PRIM2: variants seen among roughly 807,000 people sequenced by gnomAD.
PRIM2 encodes DNA primase large subunit.
A neutral mutation model predicts 67.3 loss-of-function variants in PRIM2; 39 were observed. The observed-to-expected ratio is 0.58, with a 90% CI of 0.45 to 0.76. PRIM2 has a LOEUF of 0.76. Ranked by LOEUF, PRIM2 falls within the 30% of genes least tolerant of loss-of-function variation. The pLI is 0.00. For synonymous variants in PRIM2, 143 were observed against 198.7 expected, an observed-to-expected ratio of 0.72 and a Z score of 2.36; for missense variants, 398 against 598.7, an observed-to-expected ratio of 0.66 and a Z score of 3.50.
chr6:57,370,809 C>A (rs2215513), intron 5 of PRIM2, among the ~76,000 whole-genome samples: 280 of 150,968 alleles, frequency 1.9e-3, no homozygotes, highest in African/African-American at 6.6e-3. Flanking sequence ...AGCTATTTTC[C>A]TGCCTCAGCC....
chr6:57,256,908 C>T, the PRIM2 span, among the ~76,000 whole-genome samples: 6 of 152,348 alleles, frequency 3.9e-5, no homozygotes, highest in East Asian at 1.2e-3. Flanking sequence ...CTCAATTAAC[C>T]TATTTTGTTC....
chr6:57,486,448 T>C (rs1435846292), intron 7 of PRIM2, among the ~76,000 whole-genome samples: 3 of 152,204 alleles, frequency 2.0e-5, no homozygotes, highest in African/African-American at 7.2e-5. Context: ...TTCCCTGCCA[T>C]GACAAAGTAA....
At position 57,411,311 on chromosome 6, in the gene PRIM2, C is replaced by T. The variant is rs1466044541; in HGVS notation, c.693+29143C>T. 5.9e-5 allele frequency among the ~76,000 whole-genome samples: 9 copies of T among 152,284 alleles called. No homozygotes were observed. The East Asian group carries it at 1.4e-3, about 23-fold the overall frequency. On this transcript the variant is annotated intron_variant, in intron 7 of 13. Transcript: ENST00000615550. ...TTTCTTATAAATTACCCAGTCTTGC[C>T]TAGGCCTAGTAGCTTACGCCTATAA...
chr6:57,625,401 A>G (rs1215168021), intron 12 of PRIM2, among the ~76,000 whole-genome samples: 1 of 152,198 alleles, frequency 6.6e-6, no homozygotes, highest in African/African-American at 2.4e-5. Flanking sequence ...ACAAGTTATT[A>G]GACAAGAAAA....
At chr6:57,486,783 C>A (rs1773762592) in intron 7 of PRIM2, among the ~76,000 whole-genome samples, 1 of 152,200 alleles carries the variant, frequency 6.6e-6, no homozygotes, top group African/African-American at 2.4e-5. Flanking sequence ...TATTGTGTAA[C>A]AACTTGGCTT....
chr6:57,557,448 C>A (rs1288563245), intron 10 of PRIM2, among the ~76,000 whole-genome samples: 1 of 152,132 alleles, frequency 6.6e-6, no homozygotes, highest in African/African-American at 2.4e-5. Flanking sequence ...TAAAAAAGAA[C>A]AAGATCTTGT....
chr6:57,325,445 C>T (rs893395520), intron 4 of PRIM2, among the ~76,000 whole-genome samples: 4 of 151,866 alleles, frequency 2.6e-5, no homozygotes, highest in African/African-American at 9.7e-5. Flanking sequence ...GGACTATAGG[C>T]ACATGCTACC....
chr6:57,430,279 A>C (rs1335260965), intron 7 of PRIM2, among the ~76,000 whole-genome samples: 1 of 152,128 alleles, frequency 6.6e-6, no homozygotes, highest in Non-Finnish European at 1.5e-5. Flanking sequence ...TCTGAAGGGA[A>C]TAGGTGAACT....
intron 5 of PRIM2, among the ~76,000 whole-genome samples, chr6:57,373,147 T>C (rs1013456633): frequency 3.9e-5 from 6 of 152,158 alleles, no homozygotes; most frequent in Non-Finnish European, 7.4e-5. Context: ...TTTTTAGTAG[T>C]AGCCATTCTG....
At chr6:57,585,333 C>T (rs1776169734) in intron 10 of PRIM2, among the ~76,000 whole-genome samples, 1 of 152,148 alleles carries the variant, frequency 6.6e-6, no homozygotes, top group Non-Finnish European at 1.5e-5. Context: ...TGGAGCTGTA[C>T]ATTACAGTAG....
chr6:57,416,572 C>T (rs542152599), intron 7 of PRIM2, among the ~76,000 whole-genome samples: 1 of 152,188 alleles, frequency 6.6e-6, no homozygotes, highest in Non-Finnish European at 1.5e-5. Flanking sequence ...TTCTCTCTAG[C>T]TATGAAAGTC....
chr6:57,359,694 T>G (rs1447858009), intron 5 of PRIM2, among the ~76,000 whole-genome samples: 1 of 152,166 alleles, frequency 6.6e-6, no homozygotes, highest in Non-Finnish European at 1.5e-5. Flanking sequence ...TGTACTATGA[T>G]TTGGAAAGAC....
the PRIM2 span, among the ~76,000 whole-genome samples, chr6:57,294,020 C>A: frequency 1.3e-5 from 2 of 152,066 alleles, no homozygotes; most frequent in African/African-American, 4.8e-5. Flanking sequence ...TAATGAAAAT[C>A]TAGACATAGT....
chr6:57,639,627 A>G (rs1777190356), intron 13 of PRIM2, among the ~76,000 whole-genome samples: 1 of 24,236 alleles, frequency 4.1e-5, no homozygotes, highest in African/African-American at 3.1e-4. Flanking sequence ...TAAACTAGAA[A>G]GTTTAGAAGA....
chr6:57,411,189 C>T (rs1771077567), intron 7 of PRIM2, among the ~76,000 whole-genome samples: 1 of 152,054 alleles, frequency 6.6e-6, no homozygotes, highest in Non-Finnish European at 1.5e-5. Flanking sequence ...CCTGCTTGAC[C>T]TTCCTCCATC....
At chr6:57,477,342 A>G (rs1202064329) in intron 7 of PRIM2, among the ~76,000 whole-genome samples, 2 of 152,166 alleles carry the variant, frequency 1.3e-5, no homozygotes, top group Non-Finnish European at 2.9e-5. Context: ...GATAAGTTAT[A>G]TATTGCTTAC....
intron 8 of PRIM2, among the ~76,000 whole-genome samples, chr6:57,513,706 T>C (rs1195805426): frequency 2.6e-5 from 4 of 152,068 alleles, no homozygotes; most frequent in Non-Finnish European, 5.9e-5. Flanking sequence ...CCAGCCTGTC[T>C]CTACTAAAAA....
At chr6:57,437,513 G>A (rs1297182514) in intron 7 of PRIM2, among the ~76,000 whole-genome samples, 3 of 152,128 alleles carry the variant, frequency 2.0e-5, no homozygotes. Context: ...GGTGACAGAG[G>A]TAAAATCATA....
At chr6:57,238,396 A>G in the PRIM2 span, among the ~76,000 whole-genome samples, 8 of 152,230 alleles carry the variant, frequency 5.3e-5, no homozygotes, top group Non-Finnish European at 5.9e-5. Context: ...ACTAGAACTC[A>G]GGATTAAGAA....
Sources: allele counts gnomAD v4.1 joint callset (sites outside exome capture counted in the v4.1 genomes callset), GRCh38; gene constraint gnomAD v4.1.1; transcripts MANE v1.5; gene names NCBI Gene and HGNC (gene_info 2026-07-23, HGNC 2026-07-21).